The following BCAR3 variants were observed in gnomAD, a reference collection of about 807,000 sequenced individuals.
BCAR3 encodes breast cancer anti-estrogen resistance protein 3.
A neutral mutation model predicts 80.1 loss-of-function variants in BCAR3; 37 were observed. The ratio of observed to expected loss-of-function variants is 0.46; its 90% CI spans 0.36 to 0.61. BCAR3 has a LOEUF of 0.61. BCAR3 is among the 20% of genes least tolerant of loss of function. The pLI, the probability that BCAR3 is intolerant of heterozygous loss-of-function variation, is 0.00. For synonymous variants in BCAR3, 389 were observed against 418.9 expected (o/e 0.93, Z 0.87); for missense variants, 978 against 1,068.2 (o/e 0.92, Z 1.18).
chr1:93,631,215 C>T (rs192499349), intron 3 of BCAR3, among the ~76,000 whole-genome samples: 57 of 152,334 alleles, frequency 3.7e-4, no homozygotes, highest in Non-Finnish European at 4.4e-5. Flanking sequence ...TCCCTCTACA[C>T]CTGTGTCTGG....
chr1:93,613,380 T>C (rs1424550467), intron 3 of BCAR3, among the ~76,000 whole-genome samples: 2 of 152,218 alleles, frequency 1.3e-5, no homozygotes, highest in Admixed American at 6.5e-5. Context: ...TTCTGAACCC[T>C]GAGATGTTTT....
At position 93,567,443 on chromosome 1, in the gene BCAR3, G is replaced by A. The variant is rs1487971464; in HGVS notation, c.2135C>T (p.Pro712Leu). The change falls in exon 11 of 12, where the codon CCG becomes CTG. Residue 712 changes from proline to leucine, a missense_variant. Transcript: ENST00000260502. The part of the protein sequence containing the change: ...PNNVSVPLLM[P>L]LVTLMERQAV... ...CTGGCGCTCCATTAACGTCACAAGCGGCATCAGCAGTGGGACTGATACATT... is the reference window on the plus strand; with the variant it reads ...CTGGCGCTCCATTAACGTCACAAGCAGCATCAGCAGTGGGACTGATACATT... The A allele has an allele frequency of 1.1e-5, 18 of 1,613,956 alleles. No homozygotes were observed. Among genetic ancestry groups the A allele is most frequent in the African/African-American group, 2.7e-5 (2 of 74,912 alleles).
intron 5 of BCAR3, chr1:93,584,835 T>C: frequency 2.8e-6 from 1 of 354,388 alleles, no homozygotes; most frequent in South Asian, 1.2e-4. Context: ...ACTGGGAATT[T>C]CTCCAGCACC....
chr1:93,751,472 T>G (rs1425420511), intron 2 of BCAR3, among the ~76,000 whole-genome samples: 1 of 152,210 alleles, frequency 6.6e-6, no homozygotes, highest in Non-Finnish European at 1.5e-5. Flanking sequence ...GGTACCAAGC[T>G]GGCCTGGTAT....
chr1:93,748,079 C>T (rs1180825997), intron 2 of BCAR3, among the ~76,000 whole-genome samples: 1 of 152,158 alleles, frequency 6.6e-6, no homozygotes, highest in Non-Finnish European at 1.5e-5. Flanking sequence ...GTCCTAGGTG[C>T]CTCCTTTCTT....
At chr1:93,676,321 C>T (rs919968624) in intron 1 of BCAR3, among the ~76,000 whole-genome samples, 1 of 152,166 alleles carries the variant, frequency 6.6e-6, no homozygotes, top group Non-Finnish European at 1.5e-5. Context: ...GTAAAGAAAA[C>T]GCATGTGTTT....
chr1:93,788,978 CCCTT>C (rs1056232604), intron 2 of BCAR3, among the ~76,000 whole-genome samples: 1 of 152,014 alleles, frequency 6.6e-6, no homozygotes. Context: ...CTTCCTCCCT[CCCTT>C]CCTTTATTTT....
At chr1:93,749,898 T>A (rs1467803885) in intron 2 of BCAR3, among the ~76,000 whole-genome samples, 1 of 151,904 alleles carries the variant, frequency 6.6e-6, no homozygotes, top group Non-Finnish European at 1.5e-5. Context: ...TATTTTTTTT[T>A]TTTTTTTGCT....
At chr1:93,841,518 C>T (rs1350754766) in intron 2 of BCAR3, among the ~76,000 whole-genome samples, 1 of 152,242 alleles carries the variant, frequency 6.6e-6, no homozygotes, top group Non-Finnish European at 1.5e-5. Context: ...TTCCTGAGCC[C>T]TACTAGGCTT....
chr1:93,567,612 A>G, intron 10 of BCAR3, 121 bp from the exon 11 acceptor site: 1 of 1,397,860 alleles, frequency 7.2e-7, no homozygotes, highest in East Asian at 2.3e-5. Context: ...CAACGCTGTC[A>G]TCTGATAAAA....
At chr1:93,803,753 AT>A (rs1358314793) in intron 2 of BCAR3, among the ~76,000 whole-genome samples, 1 of 152,234 alleles carries the variant, frequency 6.6e-6, no homozygotes, top group East Asian at 1.9e-4. Flanking sequence ...TTTAAGAACT[AT>A]AGCTTGGAAA....
chr1:93,670,374 C>A (rs903826742), intron 2 of BCAR3, among the ~76,000 whole-genome samples: 1 of 152,140 alleles, frequency 6.6e-6, no homozygotes, highest in Non-Finnish European at 1.5e-5. Flanking sequence ...ACCAACTCCC[C>A]CTTCCAGGCC....
At chr1:93,634,696 A>AAAC (rs1196114340) in intron 3 of BCAR3, among the ~76,000 whole-genome samples, 44 of 149,330 alleles carry the variant, frequency 2.9e-4, no homozygotes, top group African/African-American at 4.5e-4. Context: ...CTCTGTCTCA[A>AAAC]AACAACAACA....
At chr1:93,609,659 G>A (rs1674891780) in intron 3 of BCAR3, among the ~76,000 whole-genome samples, 1 of 152,202 alleles carries the variant, frequency 6.6e-6, no homozygotes, top group African/African-American at 2.4e-5. Context: ...GACCCATTGT[G>A]CTTTTTACCA....
At chr1:93,755,205 T>C (rs551082371) in intron 2 of BCAR3, among the ~76,000 whole-genome samples, 1 of 152,264 alleles carries the variant, frequency 6.6e-6, no homozygotes, top group East Asian at 1.9e-4. Context: ...ATCAAAAAAG[T>C]TAAAAAAATA....
In BCAR3 at chr1:93,582,299, AC is replaced by A; in HGVS notation, c.1686+1del. On this transcript the variant is annotated splice_donor_variant, in intron 7 of 11. Transcript: ENST00000260502. LOFTEE classifies it high-confidence loss of function. ...AGGAGCACCAGGACCCCCAGCGCTT[AC>A]CCTGCAGTCCATGCTCAGTACGTGC... The A allele has an allele frequency of 6.2e-7, 1 of 1,611,254 alleles. No homozygotes were observed. The highest frequency in any genetic ancestry group is 8.5e-7 in the Non-Finnish European group (1 of 1,177,822).
intron 2 of BCAR3, among the ~76,000 whole-genome samples, chr1:93,797,707 T>C (rs1653331263): frequency 6.6e-6 from 1 of 152,002 alleles, no homozygotes; most frequent in Admixed American, 6.6e-5. Flanking sequence ...GGGCATGGTA[T>C]GTACAATAAA....
At chr1:93,582,161 A>C in intron 7 of BCAR3, 140 bp downstream of exon 7, 1 of 1,128,108 alleles carries the variant, frequency 8.9e-7, no homozygotes. Flanking sequence ...TCCTATGGGC[A>C]AAGCATTTAA....
At chr1:93,635,505 C>T (rs1157986787) in intron 3 of BCAR3, among the ~76,000 whole-genome samples, 1 of 152,178 alleles carries the variant, frequency 6.6e-6, no homozygotes. Context: ...TGGGAACATC[C>T]TACCTCAGCA....
Sources: allele counts gnomAD v4.1 joint callset (sites outside exome capture counted in the v4.1 genomes callset), GRCh38; gene constraint gnomAD v4.1.1; transcripts MANE v1.5; gene names NCBI Gene and HGNC (gene_info 2026-07-23, HGNC 2026-07-21).